The following ALKBH1 variants were observed in gnomAD, a reference collection of about 807,000 sequenced individuals.
ALKBH1 encodes the protein nucleic acid dioxygenase ALKBH1.
In ALKBH1, 31 loss-of-function variants were observed where a neutral mutation model predicts 36.6. The observed-to-expected ratio is 0.85, with a 90% CI of 0.64 to 1.14. The LOEUF (loss-of-function observed/expected upper bound fraction) is 1.14. Among genes scored for constraint, ALKBH1 ranks in the 50% most tolerant of loss-of-function variants. ALKBH1 has a pLI of 0.00. For synonymous variants in ALKBH1, 183 were observed against 186.6 expected (o/e 0.98, Z 0.16); for missense variants, 490 against 497.3 (o/e 0.99, Z 0.14).
Position 77,677,830 on chromosome 14 carries a change from C to T in ALKBH1, c.547-1981G>A, listed in dbSNP as rs544313505. ...TCTATCATTTTAAGCTTTAGTCCCT[C>T]AGATAATCAAACAGTCAAGGCTGTC... On this transcript the variant is annotated intron_variant, in intron 4 of 5. Coordinates refer to ENST00000216489, the MANE Select transcript of ALKBH1 (RefSeq NM_006020.3). Among the ~76,000 whole-genome samples, 21 of 152,248 alleles carry T rather than the reference C, an allele frequency of 1.4e-4. 1 individual carries two copies. The South Asian group carries it at 4.3e-3, about 32-fold the overall frequency.
rs138975137 is a variant in ALKBH1, at chr14:77,695,568, G to A, written c.293-668C>T. Among the ~76,000 whole-genome samples the A allele has an allele frequency of 3.7e-3, 567 of 152,284 alleles. 3 individuals carry two copies. The highest frequency in any genetic ancestry group is 0.024 in the South Asian group (115 of 4,820). On this transcript the variant is annotated intron_variant, in intron 2 of 5. Coordinates refer to ENST00000216489, the MANE Select transcript of ALKBH1 (RefSeq NM_006020.3). ...TCAGAAGTCTAAGCCCCAGTTCCATGTAGTCCCTTTTCCAAGCTTCTCAAT... is the reference window on the plus strand; with the variant it reads ...TCAGAAGTCTAAGCCCCAGTTCCATATAGTCCCTTTTCCAAGCTTCTCAAT...
At position 77,672,974 on chromosome 14, in the gene ALKBH1, T is replaced by C. The variant is rs1167370213; in HGVS notation, c.*838A>G. 3 of 151,824 alleles carry C rather than the reference T, an allele frequency of 2.0e-5. No homozygotes were observed. Among genetic ancestry groups the C allele is most frequent in the Non-Finnish European group, 2.9e-5 (2 of 67,974 alleles). The allele number at this position is 151,824 out of a possible 1,614,324, so 9.4% of individuals were successfully genotyped here. A position where few individuals can be genotyped will look rare whatever the true frequency, so the allele number is the denominator to read the frequency against. ...TAGAGGGCTTCAATAGCATGAACAA[T>C]ACAGCAAAGAAAAACAGAAAAAAAA... On this transcript the variant is annotated 3_prime_UTR_variant, in exon 6 of 6. Coordinates refer to ENST00000216489, the MANE Select transcript of ALKBH1 (RefSeq NM_006020.3).
chr14:77,672,912 C>T lies in ALKBH1; in HGVS notation c.*900G>A, dbSNP rs1184725965. On this transcript the variant is annotated 3_prime_UTR_variant, in exon 6 of 6. Transcript: ENST00000216489. ...TTCTGTGAGACAGCCACAAAGAATA[C>T]TTAGGGCACAGCAGAATGGTGTAGG... The T allele has an allele frequency of 1.3e-5, 2 of 152,066 alleles. No homozygotes were observed. The highest frequency in any genetic ancestry group is 2.9e-5 in the Non-Finnish European group (2 of 68,028). The allele number at this position is 152,066 out of a possible 1,614,324, so 9.4% of individuals were successfully genotyped here.
At position 77,673,851 on chromosome 14, in the gene ALKBH1, A is replaced by C. The variant is rs774088469; in HGVS notation, c.1131T>G (p.Asn377Lys). The change falls in exon 6 of 6, where the codon AAT becomes AAG. Residue 377 changes from asparagine to lysine, a missense_variant. Physicochemically the swap from Asn to Lys is moderately conservative, Grantham distance 94. Coordinates refer to ENST00000216489, the MANE Select transcript of ALKBH1 (RefSeq NM_006020.3). ...TEGFCHLDDQ[N>K]SEVKRARINP... is the part of the protein sequence containing the mutation. The stretch of plus-strand genomic sequence containing the variant: ...TTATCCTGGCCCGTTTTACTTCGCT[A>C]TTCTGGTCATCCAGATGGCAGAAAC... 17 of 1,614,032 alleles carry C rather than the reference A, an allele frequency of 1.1e-5. No homozygotes were observed. The highest frequency in any genetic ancestry group is 1.3e-5 in the African/African-American group (1 of 74,912).
At chr14:77,699,446 G>GTA in intron 2 of ALKBH1, among the ~76,000 whole-genome samples, 1 of 152,270 alleles carries the variant, frequency 6.6e-6, no homozygotes, top group Admixed American at 6.5e-5. Context: ...ATTAATTATA[G>GTA]TAGCTGCTAA....
In ALKBH1 at chr14:77,679,877, T is replaced by C. The variant is rs781298715; in HGVS notation, c.546+3A>G. ...AACAAAAGAATTAAGAAAACCTGAA[T>C]ACCTTACTGTCCCAGTTATAATGGT... On this transcript the variant is annotated splice_donor_region_variant and intron_variant, in intron 4 of 5. Coordinates refer to ENST00000216489, the MANE Select transcript of ALKBH1 (RefSeq NM_006020.3). 1.2e-6 allele frequency: 2 copies of C among 1,612,434 alleles called. No individual in the cohort carries two copies. Among genetic ancestry groups the C allele is most frequent in the South Asian group, 1.1e-5 (1 of 91,038 alleles).
At chr14:77,693,193 C>T (rs1207438581) in intron 3 of ALKBH1, among the ~76,000 whole-genome samples, 4 of 137,788 alleles carry the variant, frequency 2.9e-5, no homozygotes, top group South Asian at 2.2e-4. Context: ...GCAACAAGAG[C>T]GAAACTCCGT....
chr14:77,705,964 A>G (rs1432095121), intron 1 of ALKBH1, among the ~76,000 whole-genome samples: 1 of 152,160 alleles, frequency 6.6e-6, no homozygotes, highest in Admixed American at 6.5e-5. Context: ...CTGAAGCAGA[A>G]GAATCATTTG....
chr14:77,707,715 T>G, intron 1 of ALKBH1, 107 bp downstream of exon 1: 1 of 1,315,102 alleles, frequency 7.6e-7, no homozygotes, highest in Non-Finnish European at 1.0e-6. Context: ...CAGGAATCGT[T>G]CAATAACAAT....
At chr14:77,691,428 T>C (rs1374592783) in intron 3 of ALKBH1, among the ~76,000 whole-genome samples, 2 of 152,156 alleles carry the variant, frequency 1.3e-5, no homozygotes, top group Non-Finnish European at 2.9e-5. Context: ...ACAGACTCTC[T>C]CCTGTTCTGA....
chr14:77,703,541 C>T (rs1260156840), intron 2 of ALKBH1, among the ~76,000 whole-genome samples: 4 of 151,336 alleles, frequency 2.6e-5, no homozygotes, highest in Admixed American at 6.6e-5. Context: ...GTGATCCGCC[C>T]GCCTCGGCCT....
At position 77,678,879 on chromosome 14, in the gene ALKBH1, G is replaced by A. The variant is rs1324615027; in HGVS notation, c.546+1001C>T. Among the ~76,000 whole-genome samples, 8 of 152,102 alleles carry A rather than the reference G, an allele frequency of 5.3e-5. No individual in the cohort carries two copies. The East Asian group carries it at 1.2e-3, about 22-fold the overall frequency. ...TCACCCAGTTGGACTGCAGTGGTGC[G>A]ATCTTGGCTCACTGCAACCTCTGCC... On this transcript the variant is annotated intron_variant, in intron 4 of 5. Transcript: ENST00000216489.
chr14:77,706,859 A>G (rs1350199040), intron 1 of ALKBH1, among the ~76,000 whole-genome samples: 1 of 152,184 alleles, frequency 6.6e-6, no homozygotes, highest in African/African-American at 2.4e-5. Flanking sequence ...TTAACACTTA[A>G]TACTGTAGCA....
intron 2 of ALKBH1, among the ~76,000 whole-genome samples, 156 bp downstream of exon 2, chr14:77,704,213 A>G (rs1232638679): frequency 6.6e-6 from 1 of 152,172 alleles, no homozygotes. Context: ...GTCTTAGACA[A>G]GGTACAGTCT....
chr14:77,684,580 C>T (rs1486415527), intron 3 of ALKBH1, among the ~76,000 whole-genome samples: 2 of 152,066 alleles, frequency 1.3e-5, no homozygotes, highest in Non-Finnish European at 2.9e-5. Flanking sequence ...AGGCTGGTTT[C>T]GAATTCTGGA....
chr14:77,707,101 G>A (rs1325312484), intron 1 of ALKBH1, among the ~76,000 whole-genome samples: 2 of 152,198 alleles, frequency 1.3e-5, no homozygotes, highest in Non-Finnish European at 2.9e-5. Flanking sequence ...AACAGGTTAT[G>A]AGACTGGCTA....
chr14:77,704,980 A>G (rs1454771400), intron 1 of ALKBH1, among the ~76,000 whole-genome samples: 1 of 152,246 alleles, frequency 6.6e-6, no homozygotes, highest in Non-Finnish European at 1.5e-5. Context: ...GAATCATGAA[A>G]GGTGCTTGGT....
chr14:77,693,793 C>G (rs984840322), intron 3 of ALKBH1, among the ~76,000 whole-genome samples: 1 of 152,084 alleles, frequency 6.6e-6, no homozygotes, highest in Admixed American at 6.5e-5. Context: ...TTGAGACCAG[C>G]CTGGCCAACA....
intron 3 of ALKBH1, among the ~76,000 whole-genome samples, chr14:77,694,288 G>T (rs1212297510): frequency 6.6e-6 from 1 of 152,196 alleles, no homozygotes; most frequent in African/African-American, 2.4e-5. Flanking sequence ...AAGCATGAAG[G>T]TGAAAATATT....
Sources: gnomAD v4.1 joint callset for allele counts (sites outside exome capture counted in the v4.1 genomes callset) on GRCh38, gnomAD v4.1.1 for gene constraint, MANE v1.5 for transcripts, NCBI Gene and HGNC (gene_info 2026-07-23, HGNC 2026-07-21) for gene names.